Variants in CCDC146 observed in about 807,000 individuals in gnomAD.
CCDC146 encodes the protein coiled-coil domain-containing protein 146.
Under a neutral mutation model 119.3 loss-of-function variants are expected in CCDC146, and 92 were observed. The observed-to-expected ratio is 0.77, with a 90% confidence interval of 0.65 to 0.92. CCDC146 has a LOEUF of 0.92. CCDC146 is among the 40% of genes least tolerant of loss of function. CCDC146 has a pLI of 0.00. For synonymous variants in CCDC146, 372 were observed against 371.8 expected (o/e 1.00, Z -0.01); for missense variants, 1,000 against 1,103.0 (o/e 0.91, Z 1.32).
chr7:77,165,542 TC>T (rs945444445), intron 1 of CCDC146, among the ~76,000 whole-genome samples: 10 of 151,620 alleles, frequency 6.6e-5, no homozygotes, highest in Non-Finnish European at 8.8e-5. Context: ...TATCACAGAG[TC>T]CCAAGGCAGC....
At chr7:77,199,277 CAT>C in intron 2 of CCDC146, 1 of 1,614,112 alleles carries the variant, frequency 6.2e-7, no homozygotes, top group Non-Finnish European at 8.5e-7. Context: ...TTGCTGTCAA[CAT>C]AATTTTCTAT....
At chr7:77,162,140 GT>G (rs1043133856) in intron 1 of CCDC146, among the ~76,000 whole-genome samples, 9 of 152,298 alleles carry the variant, frequency 5.9e-5, no homozygotes, top group African/African-American at 1.9e-4. Context: ...CTGTGCAGAA[GT>G]TTTTTAGTTG....
intron 1 of CCDC146, among the ~76,000 whole-genome samples, chr7:77,134,398 A>G (rs1007860576): frequency 2.2e-4 from 34 of 152,262 alleles, no homozygotes; most frequent in Admixed American, 7.2e-4. Flanking sequence ...AAAAATAAGA[A>G]CAGCAAGGGC....
intron 4 of CCDC146, 47 bp from the exon 5 acceptor site, chr7:77,254,459 A>T (rs1793138826): frequency 9.5e-7 from 1 of 1,055,554 alleles, no homozygotes; most frequent in South Asian, 1.4e-5. Flanking sequence ...TTACAGAAAG[A>T]GCTTATTTCT....
chr7:77,268,291 C>G (rs1487312326), intron 9 of CCDC146, among the ~76,000 whole-genome samples: 1 of 151,930 alleles, frequency 6.6e-6, no homozygotes, highest in African/African-American at 2.4e-5. Flanking sequence ...TATGGAGTGG[C>G]CTTGTTTTTG....
At chr7:77,206,895 T>C (rs755379369) in intron 2 of CCDC146, among the ~76,000 whole-genome samples, 12 of 152,098 alleles carry the variant, frequency 7.9e-5, no homozygotes, top group Non-Finnish European at 1.6e-4. Context: ...ACTATTATGG[T>C]AAAGTGAAAA....
intron 1 of CCDC146, among the ~76,000 whole-genome samples, chr7:77,155,462 T>C (rs1791166346): frequency 6.6e-6 from 1 of 151,944 alleles, no homozygotes; most frequent in East Asian, 1.9e-4. Context: ...CTTTTGGCTA[T>C]TGAAGACCAA....
chr7:77,141,974 C>G (rs1790939476), intron 1 of CCDC146, among the ~76,000 whole-genome samples: 2 of 152,154 alleles, frequency 1.3e-5, no homozygotes, highest in South Asian at 4.1e-4. Flanking sequence ...GTGTCTTAGT[C>G]ATGAAGTCTT....
At chr7:77,202,292 C>T (rs923847042) in intron 2 of CCDC146, among the ~76,000 whole-genome samples, 5 of 152,174 alleles carry the variant, frequency 3.3e-5, no homozygotes, top group East Asian at 1.9e-4. Flanking sequence ...ATTTTCTTCA[C>T]GTTGGACTTT....
intron 9 of CCDC146, among the ~76,000 whole-genome samples, chr7:77,266,070 G>A (rs140554441): frequency 6.6e-6 from 1 of 152,244 alleles, no homozygotes; most frequent in East Asian, 1.9e-4. Context: ...ACGTGGCACT[G>A]AAAAGAAAGA....
intron 1 of CCDC146, among the ~76,000 whole-genome samples, chr7:77,160,108 A>G (rs1028286919): frequency 5.9e-5 from 9 of 152,080 alleles, no homozygotes; most frequent in Non-Finnish European, 1.0e-4. Flanking sequence ...TGAGGGCTCT[A>G]TTCTGTTCCA....
rs193180906 is a variant in CCDC146, at chr7:77,238,841, A to C, written c.239+1812A>C. ...CAAGTAGCAATGCAGGACCTCAGCTATGGCACTATTTCTTCCTCTTCCAGG... is the reference window on the plus strand; with the variant it reads ...CAAGTAGCAATGCAGGACCTCAGCTCTGGCACTATTTCTTCCTCTTCCAGG... On this transcript the variant is annotated intron_variant, in intron 3 of 18. Coordinates refer to ENST00000285871, the MANE Select transcript of CCDC146 (RefSeq NM_020879.3). 2.3e-4 allele frequency among the ~76,000 whole-genome samples: 35 copies of C among 152,246 alleles called. No individual in the cohort carries two copies. In the East Asian group the frequency reaches 5.0e-3, roughly 22 times the overall value.
intron 2 of CCDC146, among the ~76,000 whole-genome samples, chr7:77,223,487 C>A (rs1322309239): frequency 1.3e-5 from 2 of 152,132 alleles, no homozygotes; most frequent in Non-Finnish European, 2.9e-5. Context: ...GAGAACAGTC[C>A]CAGAGTTCTC....
intron 4 of CCDC146, among the ~76,000 whole-genome samples, chr7:77,247,660 A>C (rs1477224228): frequency 6.6e-6 from 1 of 152,244 alleles, no homozygotes; most frequent in East Asian, 1.9e-4. Flanking sequence ...GACATTTTTC[A>C]AAAGCAGACA....
At chr7:77,292,368 C>T (rs60610801) in intron 17 of CCDC146, among the ~76,000 whole-genome samples, 21,639 of 147,786 alleles carry the variant, frequency 0.15, 2,659 homozygotes, top group African/African-American at 0.33. Flanking sequence ...GTAATCCCAG[C>T]ACTTAGGGAG....
chr7:77,192,922 C>CT (rs1169710795), intron 2 of CCDC146, among the ~76,000 whole-genome samples: 60 of 151,062 alleles, frequency 4.0e-4, no homozygotes, highest in Non-Finnish European at 1.9e-4. Context: ...GACTCCGTCT[C>CT]TAAAAAAAAT....
chr7:77,264,052 A>G (rs1019772263), intron 9 of CCDC146, among the ~76,000 whole-genome samples: 11 of 152,114 alleles, frequency 7.2e-5, no homozygotes, highest in East Asian at 5.8e-4. Flanking sequence ...TAACTGTTAT[A>G]TATAGTATAT....
At chr7:77,188,556 C>T (rs763335383) in intron 2 of CCDC146, among the ~76,000 whole-genome samples, 1 of 152,170 alleles carries the variant, frequency 6.6e-6, no homozygotes, top group Non-Finnish European at 1.5e-5. Context: ...TACTTATGCA[C>T]AGGTACACAC....
intron 6 of CCDC146, among the ~76,000 whole-genome samples, chr7:77,256,748 C>A (rs1321548598): frequency 6.6e-6 from 1 of 152,200 alleles, no homozygotes; most frequent in Non-Finnish European, 1.5e-5. Flanking sequence ...AAAGGTCTCT[C>A]CTGACCTCAC....
Sources: gnomAD v4.1 joint callset for allele counts (sites outside exome capture counted in the v4.1 genomes callset) on GRCh38, gnomAD v4.1.1 for gene constraint, MANE v1.5 for transcripts, NCBI Gene and HGNC (gene_info 2026-07-23, HGNC 2026-07-21) for gene names.